Variants in GXYLT2 observed in about 807,000 individuals in gnomAD.
The protein encoded by GXYLT2 is glucoside xylosyltransferase 2, also known as glycosyltransferase 8 domain containing 4.
A neutral mutation model predicts 45.8 loss-of-function variants in GXYLT2; 53 were observed. The ratio of observed to expected loss-of-function variants is 1.16; its 90% CI spans 0.93 to 1.46. The LOEUF (loss-of-function observed/expected upper bound fraction) is 1.46, where lower values mean the gene tolerates loss of function less well. Ranked by LOEUF, GXYLT2 falls within the 40% of genes most tolerant of loss-of-function variation. GXYLT2 has a pLI of 0.00. For synonymous variants in GXYLT2, 219 were observed against 214.2 expected (o/e 1.02, Z -0.19); for missense variants, 551 against 544.4 (o/e 1.01, Z -0.12).
intron 3 of GXYLT2, among the ~76,000 whole-genome samples, chr3:72,939,146 A>C (rs903852401): frequency 7.9e-5 from 12 of 152,254 alleles, no homozygotes; most frequent in Non-Finnish European, 1.6e-4. Context: ...GAGCAATCTT[A>C]AAATCTCAGA....
intron 3 of GXYLT2, among the ~76,000 whole-genome samples, chr3:72,944,988 C>T (rs1710376680): frequency 6.6e-6 from 1 of 152,124 alleles, no homozygotes; most frequent in African/African-American, 2.4e-5. Flanking sequence ...GTCTTCTGCA[C>T]TTCATTTGTT....
At chr3:72,962,049 C>T (rs1284372514) in intron 5 of GXYLT2, among the ~76,000 whole-genome samples, 2 of 152,116 alleles carry the variant, frequency 1.3e-5, no homozygotes, top group African/African-American at 4.8e-5. Flanking sequence ...TCACATGGGA[C>T]AAGTCTCTTC....
chr3:72,914,262 G>A (rs1368029178), intron 2 of GXYLT2, among the ~76,000 whole-genome samples: 3 of 152,170 alleles, frequency 2.0e-5, no homozygotes, highest in South Asian at 2.1e-4. Flanking sequence ...TGCCATCTAT[G>A]TGGTAGATAC....
chr3:72,934,197 A>G (rs1041864292), intron 3 of GXYLT2, among the ~76,000 whole-genome samples: 6 of 148,928 alleles, frequency 4.0e-5, no homozygotes, highest in Admixed American at 1.4e-4. Context: ...TGATCCTTCC[A>G]TCTCAGCCTC....
intron 3 of GXYLT2, among the ~76,000 whole-genome samples, chr3:72,942,933 A>C (rs1710327416): frequency 6.6e-6 from 1 of 152,194 alleles, no homozygotes; most frequent in African/African-American, 2.4e-5. Flanking sequence ...TTAATTTCTT[A>C]GATTTGATTA....
intron 3 of GXYLT2, among the ~76,000 whole-genome samples, chr3:72,941,749 G>T (rs1165778289): frequency 6.6e-6 from 1 of 151,728 alleles, no homozygotes; most frequent in African/African-American, 2.4e-5. Flanking sequence ...GATAAGTAAA[G>T]AAGTAATTAT....
intron 5 of GXYLT2, among the ~76,000 whole-genome samples, chr3:72,962,304 G>A (rs1312972133): frequency 6.6e-6 from 1 of 152,148 alleles, no homozygotes; most frequent in Non-Finnish European, 1.5e-5. Flanking sequence ...CAAGAGAAAA[G>A]GATAAAAATT....
Position 72,969,909 on chromosome 3 carries a change from G to GAAAAAAA in GXYLT2, c.1149+2196_1149+2202dup, listed in dbSNP as rs113943491. ...TTTTTGTGTATGAAAATGTGCATTT[G>GAAAAAAA]AAAAAAAAAAAACAAAAACATTTAA... On this transcript the variant is annotated intron_variant, in intron 6 of 6. Coordinates refer to ENST00000389617, the MANE Select transcript of GXYLT2 (RefSeq NM_001080393.2). 5.8e-4 allele frequency among the ~76,000 whole-genome samples: 60 copies of GAAAAAAA among 103,366 alleles called. 1 individual carries two copies. Among genetic ancestry groups the GAAAAAAA allele is most frequent in the Non-Finnish European group, 7.9e-4 (44 of 55,720 alleles). The allele number at this position is 103,366 out of a possible 152,430, so 67.8% of individuals were successfully genotyped here.
chr3:72,956,518 G>C (rs1710651881), intron 4 of GXYLT2, among the ~76,000 whole-genome samples: 1 of 152,146 alleles, frequency 6.6e-6, no homozygotes, highest in South Asian at 2.1e-4. Flanking sequence ...TCACCTCACA[G>C]TGAGGAAATA....
rs1203737945 is a variant in GXYLT2, at chr3:72,922,238, T to C, written c.503T>C (p.Phe168Ser). ...TGGCCTGACTCATATACAAAGAAGT[T>C]TGAGCACAGAATCTACCCCATCACA... is the stretch of plus-strand genomic sequence containing the variant. Reference protein sequence around the residue: ...RQWPDSYTKKFEHRIYPITFS... With the variant: ...RQWPDSYTKKSEHRIYPITFS... Residue 168 changes from phenylalanine (F) to serine (S), a missense_variant, in exon 3 of 7, where the codon TTT becomes TCT. Transcript: ENST00000389617. 1.9e-6 allele frequency: 3 copies of C among 1,613,768 alleles called. No homozygotes were observed. The highest frequency in any genetic ancestry group is 8.5e-7 in the Non-Finnish European group (1 of 1,179,748).
intron 2 of GXYLT2, 76 bp from the exon 3 acceptor site, chr3:72,922,128 C>T: frequency 3.0e-6 from 4 of 1,331,438 alleles, no homozygotes; most frequent in South Asian, 1.4e-5. Flanking sequence ...TCCATTTGAC[C>T]ATCCAGAAGC....
chr3:72,942,284 C>T (rs1710316623), intron 3 of GXYLT2, among the ~76,000 whole-genome samples: 1 of 151,680 alleles, frequency 6.6e-6, no homozygotes, highest in African/African-American at 2.4e-5. Flanking sequence ...AAATACATAA[C>T]TGAATAAATA....
intron 3 of GXYLT2, among the ~76,000 whole-genome samples, chr3:72,944,094 T>TG (rs1187762772): frequency 3.3e-5 from 5 of 149,914 alleles, no homozygotes; most frequent in African/African-American, 7.6e-5. Context: ...AGTCTTTTTG[T>TG]TTGTTTGTTT....
intron 4 of GXYLT2, among the ~76,000 whole-genome samples, chr3:72,955,759 C>G (rs568196380): frequency 6.6e-6 from 1 of 152,210 alleles, no homozygotes; most frequent in South Asian, 2.1e-4. Flanking sequence ...GCTAAAAGAA[C>G]ATCAGTAGAG....
intron 3 of GXYLT2, among the ~76,000 whole-genome samples, chr3:72,939,633 A>C (rs554003694): frequency 2.0e-5 from 3 of 152,064 alleles, no homozygotes; most frequent in African/African-American, 7.2e-5. Flanking sequence ...AAAGTAGACA[A>C]TTAGAAAGTA....
chr3:72,931,509 G>A (rs765604826), intron 3 of GXYLT2, among the ~76,000 whole-genome samples: 5 of 152,146 alleles, frequency 3.3e-5, no homozygotes, highest in East Asian at 1.9e-4. Flanking sequence ...GATTACAGGC[G>A]TGAGCCACCG....
At chr3:72,972,596 G>A (rs1489670266) in intron 6 of GXYLT2, among the ~76,000 whole-genome samples, 1 of 135,910 alleles carries the variant, frequency 7.4e-6, no homozygotes, top group Non-Finnish European at 1.5e-5. Flanking sequence ...AGCCAAGATC[G>A]CACCACTGCA....
At chr3:72,948,885 T>C (rs897666525) in intron 3 of GXYLT2, among the ~76,000 whole-genome samples, 2 of 148,798 alleles carry the variant, frequency 1.3e-5, no homozygotes, top group South Asian at 4.3e-4. Context: ...GAGGAGTGGA[T>C]TGGAGGGGGC....
chr3:72,946,372 G>A (rs748641737), intron 3 of GXYLT2, among the ~76,000 whole-genome samples: 1 of 151,018 alleles, frequency 6.6e-6, no homozygotes, highest in African/African-American at 2.4e-5. Flanking sequence ...AAGTGAGAGA[G>A]AAGACATCCC....
Sources: gnomAD v4.1 joint callset for allele counts (sites outside exome capture counted in the v4.1 genomes callset) on GRCh38, gnomAD v4.1.1 for gene constraint, MANE v1.5 for transcripts, NCBI Gene and HGNC (gene_info 2026-07-23, HGNC 2026-07-21) for gene names.